CCDC148: variants seen among roughly 807,000 people sequenced by gnomAD.
CCDC148 encodes the protein coiled-coil domain containing 148, also known as coiled-coil domain-containing protein 148.
CCDC148 carries 89 observed loss-of-function variants against 85.7 expected under a neutral mutation model. The ratio of observed to expected loss-of-function variants is 1.04; its 90% CI spans 0.87 to 1.24. CCDC148 has a LOEUF of 1.24. CCDC148 is among the 50% of genes most tolerant of loss of function. CCDC148 has a pLI of 0.00. For synonymous variants in CCDC148, 230 were observed against 213.9 expected (o/e 1.08, Z -0.66); for missense variants, 692 against 671.7 (o/e 1.03, Z -0.33).
At chr2:158,286,964 A>T (rs1457059179) in intron 9 of CCDC148, among the ~76,000 whole-genome samples, 2 of 152,178 alleles carry the variant, frequency 1.3e-5, no homozygotes, top group East Asian at 3.8e-4. Flanking sequence ...GGGAAGAAAA[A>T]GATGTTTAAT....
chr2:158,281,962 G>T (rs1369211299), intron 9 of CCDC148, among the ~76,000 whole-genome samples: 2 of 151,896 alleles, frequency 1.3e-5, no homozygotes, highest in African/African-American at 2.4e-5. Flanking sequence ...GGGATGCAAG[G>T]CTGGTTCAAT....
At chr2:158,441,571 G>A (rs1447764371) in intron 1 of CCDC148, among the ~76,000 whole-genome samples, 1 of 152,130 alleles carries the variant, frequency 6.6e-6, no homozygotes, top group African/African-American at 2.4e-5. Context: ...AAAATATGCT[G>A]AGGATGTTTT....
At chr2:158,211,649 A>G (rs1298612679) in intron 11 of CCDC148, among the ~76,000 whole-genome samples, 1 of 152,218 alleles carries the variant, frequency 6.6e-6, no homozygotes, top group East Asian at 1.9e-4. Context: ...TAAACTACTC[A>G]GCAAACGACA....
At position 158,309,437 on chromosome 2, in the gene CCDC148, G is replaced by T. The variant is rs1691862192; in HGVS notation, c.1106C>A (p.Ala369Asp). Residue 369 changes from alanine (A) to aspartate (D), a missense_variant, in exon 9 of 14, where the codon GCC (alanine) becomes GAC (aspartate). Coordinates refer to ENST00000283233, the MANE Select transcript of CCDC148 (RefSeq NM_138803.4). ...KQQELCADLK[A>D]KVRQWRAHQE... ...AACACCTGTGCAGCATCTTACCTTG[G>T]CTTTCAGATCAGCACACAATTCCTG... 3 of 1,612,454 alleles carry T rather than the reference G, an allele frequency of 1.9e-6. No individual in the cohort carries two copies. Among genetic ancestry groups the T allele is most frequent in the Admixed American group, 1.7e-5 (1 of 59,902 alleles).
intron 9 of CCDC148, among the ~76,000 whole-genome samples, chr2:158,281,777 T>C (rs1056294716): frequency 6.6e-6 from 1 of 152,174 alleles, no homozygotes; most frequent in South Asian, 2.1e-4. Flanking sequence ...ACTCATTTTA[T>C]GAGGCCAGCA....
At chr2:158,366,146 T>C in intron 1 of CCDC148, 1 of 1,169,548 alleles carries the variant, frequency 8.6e-7, no homozygotes, top group Middle Eastern at 2.9e-4. Flanking sequence ...CTGTGTTACT[T>C]GAAGTATTTT....
At chr2:158,367,521 T>C (rs1348267578) in intron 1 of CCDC148, among the ~76,000 whole-genome samples, 2 of 152,190 alleles carry the variant, frequency 1.3e-5, no homozygotes, top group African/African-American at 4.8e-5. Flanking sequence ...AGATTCCCTT[T>C]TGGCTACCTT....
intron 1 of CCDC148, among the ~76,000 whole-genome samples, chr2:158,431,873 G>T (rs1687369779): frequency 6.6e-6 from 1 of 152,082 alleles, no homozygotes; most frequent in African/African-American, 2.4e-5. Context: ...GGGAGATGGA[G>T]GTTGCATGAG....
Position 158,289,495 on chromosome 2 carries a change from A to T in CCDC148, c.1110+19938T>A, listed in dbSNP as rs992673499. ...CTGAAAGTCCCTCAATTTAATTAGA[A>T]ATCAGAGAACTGCAAGTTAAAACTA... On this transcript the variant is annotated intron_variant, in intron 9 of 13. Transcript: ENST00000283233. 1.3e-4 allele frequency among the ~76,000 whole-genome samples: 20 copies of T among 152,350 alleles called. 1 individual carries two copies. Among genetic ancestry groups the T allele is most frequent in the Admixed American group, 9.8e-4 (15 of 15,304 alleles).
chr2:158,443,262 T>G (rs1688013236), intron 1 of CCDC148, among the ~76,000 whole-genome samples: 1 of 150,210 alleles, frequency 6.7e-6, no homozygotes, highest in Non-Finnish European at 1.5e-5. Context: ...CTCTTGGGAG[T>G]CCAGGGTGGG....
intron 9 of CCDC148, among the ~76,000 whole-genome samples, chr2:158,253,354 T>C (rs62174762): frequency 0.042 from 6,423 of 151,720 alleles, 209 homozygotes; most frequent in Non-Finnish European, 0.059. Flanking sequence ...CCTTCCCTTA[T>C]ATGGCCATTC....
At position 158,341,852 on chromosome 2, in the gene CCDC148, G is replaced by A. The variant is rs1188674123; in HGVS notation, c.252-1172C>T. ...ATAAGTTTCTAGCCCTTATCTAAAT[G>A]TTGATATATTTCACATGGTCATAAC... On this transcript the variant is annotated intron_variant, in intron 3 of 13. Transcript: ENST00000283233. 3.4e-5 allele frequency among the ~76,000 whole-genome samples: 5 copies of A among 147,454 alleles called. No homozygotes were observed. The East Asian group carries it at 9.9e-4, about 29-fold the overall frequency.
intron 10 of CCDC148, among the ~76,000 whole-genome samples, chr2:158,248,757 G>A (rs574009117): frequency 1.9e-3 from 293 of 152,194 alleles, no homozygotes; most frequent in Middle Eastern, 3.4e-3. Flanking sequence ...CTAAGATGAG[G>A]AGAGGATATT....
At chr2:158,324,345 G>T (rs1325088581) in intron 7 of CCDC148, among the ~76,000 whole-genome samples, 1 of 152,058 alleles carries the variant, frequency 6.6e-6, no homozygotes, top group Non-Finnish European at 1.5e-5. Context: ...ACTATTTTGT[G>T]GCCTGCTTTT....
intron 7 of CCDC148, among the ~76,000 whole-genome samples, chr2:158,328,628 C>G (rs1692921413): frequency 6.6e-6 from 1 of 152,130 alleles, no homozygotes; most frequent in East Asian, 1.9e-4. Context: ...ACAGTCCCAC[C>G]AACAGTGTAA....
At chr2:158,357,131 A>G (rs1444027201) in intron 2 of CCDC148, among the ~76,000 whole-genome samples, 2 of 151,168 alleles carry the variant, frequency 1.3e-5, no homozygotes, top group African/African-American at 2.4e-5. Context: ...CTAATGCTAG[A>G]TGACGAGTTA....
At chr2:158,328,481 C>G (rs1157610141) in intron 7 of CCDC148, among the ~76,000 whole-genome samples, 2 of 152,126 alleles carry the variant, frequency 1.3e-5, no homozygotes, top group Non-Finnish European at 2.9e-5. Flanking sequence ...CATACGTGTG[C>G]ATGTGTCTTT....
At chr2:158,414,547 G>A (rs530402710) in intron 1 of CCDC148, among the ~76,000 whole-genome samples, 8 of 150,680 alleles carry the variant, frequency 5.3e-5, no homozygotes, top group Non-Finnish European at 7.4e-5. Context: ...AAACCTGCAC[G>A]TTGTGCACAT....
chr2:158,220,508 G>A lies in CCDC148; in HGVS notation c.1370+87C>T, dbSNP rs1330093118. On this transcript the variant is annotated intron_variant, in intron 11 of 13. Coordinates refer to ENST00000283233, the MANE Select transcript of CCDC148 (RefSeq NM_138803.4). ...AAGGATACATTAAGTATAGAAAAAA[G>A]TTCCCTCTGATATTATTTATTCTAA... 9.4e-6 allele frequency: 8 copies of A among 854,674 alleles called. No homozygotes were observed. The Admixed American group carries it at 1.2e-4, about 13-fold the overall frequency. 52.9% of individuals were successfully genotyped at this position (854,674 alleles called of 1,614,324 possible). A position where few individuals can be genotyped will look rare whatever the true frequency, so the allele number is the denominator to read the frequency against.
Sources: gnomAD v4.1 joint callset for allele counts (sites outside exome capture counted in the v4.1 genomes callset) on GRCh38, gnomAD v4.1.1 for gene constraint, MANE v1.5 for transcripts, NCBI Gene and HGNC (gene_info 2026-07-23, HGNC 2026-07-21) for gene names.